The following SH2D4A variants were observed in gnomAD, a reference collection of about 807,000 sequenced individuals.
SH2D4A encodes the protein SH2 domain-containing protein 4A.
In SH2D4A, 70 loss-of-function variants were observed where a neutral mutation model predicts 64.7. The ratio of observed to expected loss-of-function variants is 1.08; its 90% confidence interval spans 0.89 to 1.32. The LOEUF (loss-of-function observed/expected upper bound fraction) is 1.32, where lower values mean the gene tolerates loss of function less well. Ranked by LOEUF, SH2D4A falls within the 40% of genes most tolerant of loss-of-function variation. The pLI is 0.00. For missense variants in SH2D4A, 706 were observed against 540.1 expected, an observed-to-expected ratio of 1.31 and a Z score of -3.04; for synonymous variants, 268 against 200.7, an observed-to-expected ratio of 1.34 and a Z score of -2.83.
intron 4 of SH2D4A, among the ~76,000 whole-genome samples, chr8:19,350,460 T>C (rs980548677): frequency 6.6e-6 from 1 of 152,116 alleles, no homozygotes; most frequent in Non-Finnish European, 1.5e-5. Flanking sequence ...AAAGACAATG[T>C]TTTTAGTTGT....
intron 8 of SH2D4A, chr8:19,375,237 T>C (rs1455928628): frequency 6.6e-6 from 1 of 152,208 alleles, no homozygotes; most frequent in Non-Finnish European, 1.5e-5. Flanking sequence ...TACATAGCCA[T>C]ATAGTCAGTA....
chr8:19,354,423 G>A (rs2052757668), intron 4 of SH2D4A, among the ~76,000 whole-genome samples: 2 of 152,178 alleles, frequency 1.3e-5, no homozygotes, highest in South Asian at 4.1e-4. Context: ...TACCATGAGT[G>A]GATGGTGTTG....
Position 19,319,370 on chromosome 8 carries a change from A to T in SH2D4A, c.-178A>T, listed in dbSNP as rs2052145325. 1 of 1,262,452 alleles carries T rather than the reference A, an allele frequency of 7.9e-7. No individual in the cohort carries two copies. The highest frequency in any genetic ancestry group is 1.5e-5 in the African/African-American group (1 of 64,856). 78.2% of individuals were successfully genotyped at this position (1,262,452 alleles called of 1,614,324 possible). A position where few individuals can be genotyped will look rare whatever the true frequency, so the allele number is the denominator to read the frequency against. Reference sequence around the variant, plus strand: ...TTCAGTGAACAGCATTTTGGACAGGACATTTGGTGCCAGGTCTGAGTAGCC... The same window carrying T: ...TTCAGTGAACAGCATTTTGGACAGGTCATTTGGTGCCAGGTCTGAGTAGCC... On this transcript the variant is annotated 5_prime_UTR_variant, in exon 2 of 10. Transcript: ENST00000265807.
chr8:19,391,958 C>T (rs1412916754), intron 8 of SH2D4A, among the ~76,000 whole-genome samples: 2 of 152,150 alleles, frequency 1.3e-5, no homozygotes, highest in South Asian at 2.1e-4. Flanking sequence ...AAAAAGGGCA[C>T]GCGTAGAACG....
intron 8 of SH2D4A, among the ~76,000 whole-genome samples, chr8:19,382,823 CTTTTTTTTTTTTT>C (rs1159245319): frequency 1.5e-5 from 1 of 64,618 alleles, no homozygotes; most frequent in Non-Finnish European, 2.9e-5. Context: ...TTTTAAGATT[CTTTTTTTTTTTTT>C]TTTTTTTTTT....
intron 7 of SH2D4A, among the ~76,000 whole-genome samples, chr8:19,371,503 T>C (rs886782785): frequency 1.3e-5 from 2 of 152,210 alleles, no homozygotes; most frequent in African/African-American, 2.4e-5. Context: ...ATCCTCTATT[T>C]GTCTCTGCAC....
At chr8:19,323,340 C>G (rs1312810324) in intron 2 of SH2D4A, among the ~76,000 whole-genome samples, 1 of 151,136 alleles carries the variant, frequency 6.6e-6, no homozygotes, top group South Asian at 2.1e-4. Context: ...TTTTGTATAT[C>G]TTGGGTAAAG....
intron 2 of SH2D4A, among the ~76,000 whole-genome samples, chr8:19,327,152 G>A (rs189326625): frequency 4.5e-4 from 68 of 152,260 alleles, no homozygotes; most frequent in Non-Finnish European, 7.8e-4. Flanking sequence ...TTCTGAGCAG[G>A]ACTGACCCGC....
intron 4 of SH2D4A, among the ~76,000 whole-genome samples, chr8:19,350,678 T>A (rs1320811402): frequency 1.3e-5 from 2 of 152,092 alleles, no homozygotes; most frequent in Admixed American, 1.3e-4. Flanking sequence ...AAGACAGGGT[T>A]TCACCATGTT....
chr8:19,384,348 C>G (rs545536347), intron 8 of SH2D4A, among the ~76,000 whole-genome samples: 2 of 152,254 alleles, frequency 1.3e-5, no homozygotes, highest in African/African-American at 2.4e-5. Flanking sequence ...CTTAGCATTG[C>G]TAAAGGAATA....
intron 6 of SH2D4A, among the ~76,000 whole-genome samples, chr8:19,362,659 G>A (rs1344348741): frequency 6.6e-6 from 1 of 152,058 alleles, no homozygotes; most frequent in African/African-American, 2.4e-5. Flanking sequence ...AGAATTGCTT[G>A]AACCAGGGAG....
At position 19,373,677 on chromosome 8, in the gene SH2D4A, C is replaced by T; in HGVS notation, c.1048+17C>T. 1 of 1,611,410 alleles carries T rather than the reference C, an allele frequency of 6.2e-7. No individual in the cohort carries two copies. The highest frequency in any genetic ancestry group is 1.7e-5 in the Admixed American group (1 of 59,676). Reference sequence around the variant, plus strand: ...GGTTCCATGGTGAGTGCAGAGATTTCCTCAATGGTGTTTCGTCTTAGGGCG... The same window carrying T: ...GGTTCCATGGTGAGTGCAGAGATTTTCTCAATGGTGTTTCGTCTTAGGGCG... On this transcript the variant is annotated intron_variant, in intron 8 of 9. Transcript: ENST00000265807.
At chr8:19,360,185 T>C (rs961052010) in intron 5 of SH2D4A, among the ~76,000 whole-genome samples, 1 of 152,210 alleles carries the variant, frequency 6.6e-6, no homozygotes, top group African/African-American at 2.4e-5. Flanking sequence ...AATTTTGTTA[T>C]GTGGAATTTT....
chr8:19,334,836 C>G lies in SH2D4A; in HGVS notation c.492C>G (p.Thr164=), dbSNP rs1464068759. 6.2e-7 allele frequency: 1 copy of G among 1,605,314 alleles called. No individual in the cohort carries two copies. Among genetic ancestry groups the G allele is most frequent in the South Asian group, 1.1e-5 (1 of 89,168 alleles). ...ELEQGSRPAP[T]LEEEKIRSLS... is the part of the protein sequence containing the mutation. ...AGCAAGGATCGAGGCCAGCACCAAC[C>G]CTGGAAGAAGAGAAAATCCGAGTGA... Residue 164 remains threonine, a synonymous_variant, in exon 4 of 10, where the codon ACC becomes ACG. Coordinates refer to ENST00000265807, the MANE Select transcript of SH2D4A (RefSeq NM_022071.4).
intron 6 of SH2D4A, among the ~76,000 whole-genome samples, chr8:19,363,242 AT>A (rs1377443890): frequency 6.6e-6 from 1 of 151,708 alleles, no homozygotes; most frequent in African/African-American, 2.4e-5. Flanking sequence ...TGCTCAGCTA[AT>A]TTTTTGTATT....
chr8:19,356,543 T>C (rs1284098808), intron 4 of SH2D4A, among the ~76,000 whole-genome samples: 7 of 152,060 alleles, frequency 4.6e-5, no homozygotes, highest in Non-Finnish European at 8.8e-5. Context: ...AAGCACCCAT[T>C]GTGATTTGCT....
chr8:19,379,910 A>C (rs1045697734), intron 8 of SH2D4A, among the ~76,000 whole-genome samples: 13 of 151,664 alleles, frequency 8.6e-5, no homozygotes, highest in African/African-American at 3.1e-4. Context: ...TAATTTTTTT[A>C]TTTTTTGTAG....
chr8:19,331,956 C>T (rs1449524342), intron 2 of SH2D4A, among the ~76,000 whole-genome samples: 2 of 152,224 alleles, frequency 1.3e-5, no homozygotes, highest in Non-Finnish European at 1.5e-5. Context: ...AAGTTTGAGA[C>T]CAGCCTGGGC....
At chr8:19,377,447 T>A (rs2053214621) in intron 8 of SH2D4A, among the ~76,000 whole-genome samples, 1 of 152,244 alleles carries the variant, frequency 6.6e-6, no homozygotes, top group Admixed American at 6.5e-5. Context: ...TCCCATTTCC[T>A]TTCCTTGTAT....
Sources: gnomAD v4.1 joint callset for allele counts (sites outside exome capture counted in the v4.1 genomes callset) on GRCh38, gnomAD v4.1.1 for gene constraint, MANE v1.5 for transcripts, NCBI Gene and HGNC (gene_info 2026-07-23, HGNC 2026-07-21) for gene names.